Variants in CSGALNACT1 observed in about 807,000 individuals in gnomAD.
CSGALNACT1 encodes chondroitin sulfate N-acetylgalactosaminyltransferase 1.
In CSGALNACT1, 52 loss-of-function variants were observed where a neutral mutation model predicts 51.0. The ratio of observed to expected loss-of-function variants is 1.02; its 90% confidence interval spans 0.82 to 1.29. The LOEUF (loss-of-function observed/expected upper bound fraction) is 1.29. Ranked by LOEUF, CSGALNACT1 falls within the 50% of genes most tolerant of loss-of-function variation. The probability of loss-of-function intolerance (pLI) is 0.00; values close to 1 mark genes in which losing one functional copy is unlikely to be tolerated. For synonymous variants in CSGALNACT1, 341 were observed against 254.4 expected (o/e 1.34, Z -3.24); for missense variants, 935 against 679.2 (o/e 1.38, Z -4.19).
At chr8:19,550,571 G>A (rs2087753950) in intron 3 of CSGALNACT1, among the ~76,000 whole-genome samples, 1 of 151,880 alleles carries the variant, frequency 6.6e-6, no homozygotes, top group African/African-American at 2.4e-5. Context: ...CGTCTTTCCT[G>A]CTTATTTATT....
chr8:19,735,835 C>T (rs543011241), intron 1 of CSGALNACT1, among the ~76,000 whole-genome samples: 2 of 152,180 alleles, frequency 1.3e-5, no homozygotes, highest in East Asian at 3.9e-4. Flanking sequence ...GTCAATTGAA[C>T]ATTAAAAACA....
intron 1 of CSGALNACT1, among the ~76,000 whole-genome samples, chr8:19,709,052 T>C (rs889393239): frequency 1.3e-5 from 2 of 152,216 alleles, no homozygotes; most frequent in African/African-American, 4.8e-5. Context: ...TATTTATGTC[T>C]GTATTTTTAT....
chr8:19,541,952 A>G (rs953527967), intron 3 of CSGALNACT1, among the ~76,000 whole-genome samples: 62 of 152,234 alleles, frequency 4.1e-4, no homozygotes, highest in Non-Finnish European at 2.1e-4. Flanking sequence ...TTCACAGAAA[A>G]GGTCTTCAGT....
chr8:19,672,704 A>C (rs920682187), intron 1 of CSGALNACT1, among the ~76,000 whole-genome samples: 7 of 84,226 alleles, frequency 8.3e-5, no homozygotes, highest in Admixed American at 8.0e-4. Flanking sequence ...CAACATTCCG[A>C]ATTCCAACCA....
At chr8:19,544,494 T>G (rs2086019875) in intron 3 of CSGALNACT1, among the ~76,000 whole-genome samples, 1 of 152,190 alleles carries the variant, frequency 6.6e-6, no homozygotes, top group Admixed American at 6.5e-5. Context: ...TTCGTGTGTT[T>G]TCTTTAACTA....
At chr8:19,670,558 A>G (rs904477042) in intron 1 of CSGALNACT1, among the ~76,000 whole-genome samples, 4 of 144,060 alleles carry the variant, frequency 2.8e-5, no homozygotes, top group African/African-American at 5.1e-5. Context: ...CAGAAATGAC[A>G]TTTATTTTAT....
intron 1 of CSGALNACT1, among the ~76,000 whole-genome samples, chr8:19,630,945 C>G (rs180901565): frequency 5.3e-5 from 8 of 152,162 alleles, no homozygotes; most frequent in African/African-American, 1.9e-4. Flanking sequence ...TTTGTTACAA[C>G]TGACGAGCCA....
At chr8:19,429,415 G>A (rs1490103192) in intron 6 of CSGALNACT1, among the ~76,000 whole-genome samples, 1 of 152,176 alleles carries the variant, frequency 6.6e-6, no homozygotes, top group Non-Finnish European at 1.5e-5. Flanking sequence ...GACCTCAGGT[G>A]ATCTGCCTGC....
chr8:19,677,190 C>T (rs1252968057), intron 1 of CSGALNACT1, among the ~76,000 whole-genome samples: 1 of 152,134 alleles, frequency 6.6e-6, no homozygotes, highest in Non-Finnish European at 1.5e-5. Context: ...CTCACTGCAG[C>T]CTTGAGTTTT....
At chr8:19,681,102 C>A (rs574640025) in intron 1 of CSGALNACT1, among the ~76,000 whole-genome samples, 61 of 152,176 alleles carry the variant, frequency 4.0e-4, no homozygotes, top group African/African-American at 1.3e-3. Context: ...AACCAATCCC[C>A]TGAAGATATG....
chr8:19,548,922 G>A (rs150812344), intron 3 of CSGALNACT1, among the ~76,000 whole-genome samples: 1 of 152,038 alleles, frequency 6.6e-6, no homozygotes, highest in East Asian at 1.9e-4. Context: ...AGGCTCAAAC[G>A]ATCCTCCTGC....
At chr8:19,666,984 A>T (rs1285046610) in intron 1 of CSGALNACT1, among the ~76,000 whole-genome samples, 749 of 16,840 alleles carry the variant, frequency 0.044, 52 homozygotes, top group African/African-American at 0.21. Context: ...AGAAAGAAAG[A>T]AAGAAAGAAA....
intron 1 of CSGALNACT1, among the ~76,000 whole-genome samples, chr8:19,737,991 T>C (rs977896535): frequency 2.0e-4 from 31 of 152,344 alleles, no homozygotes; most frequent in Middle Eastern, 3.4e-3. Flanking sequence ...ATAACATGAA[T>C]GTATTTATTA....
intron 1 of CSGALNACT1, among the ~76,000 whole-genome samples, chr8:19,639,943 A>C (rs1318405412): frequency 1.3e-5 from 2 of 151,830 alleles, no homozygotes; most frequent in Non-Finnish European, 2.9e-5. Context: ...ATGCAGTGGT[A>C]CAATCACTGT....
intron 1 of CSGALNACT1, among the ~76,000 whole-genome samples, chr8:19,649,830 A>AAAAAAACAAC (rs1353529133): frequency 2.0e-5 from 3 of 146,492 alleles, no homozygotes; most frequent in Admixed American, 1.4e-4. Context: ...AAAAAAAAAA[A>AAAAAAACAAC]AAAAAAAAAA....
intron 4 of CSGALNACT1, among the ~76,000 whole-genome samples, chr8:19,503,586 T>C (rs2076785931): frequency 6.6e-6 from 1 of 152,082 alleles, no homozygotes; most frequent in Non-Finnish European, 1.5e-5. Context: ...TTTTTAATGA[T>C]GTTTAATGAT....
intron 6 of CSGALNACT1, among the ~76,000 whole-genome samples, chr8:19,425,871 C>T (rs1477037021): frequency 1.3e-5 from 2 of 152,142 alleles, no homozygotes; most frequent in African/African-American, 4.8e-5. Flanking sequence ...GAACATCACT[C>T]GGTCTTTAAG....
At chr8:19,624,359 A>G (rs75529688) in intron 1 of CSGALNACT1, among the ~76,000 whole-genome samples, 5,081 of 152,068 alleles carry the variant, frequency 0.033, 303 homozygotes, top group African/African-American at 0.12. Flanking sequence ...TCATGCTTTT[A>G]TCTCCTACTG....
At chr8:19,451,444 G>C (rs887564949) in intron 5 of CSGALNACT1, among the ~76,000 whole-genome samples, 2 of 152,168 alleles carry the variant, frequency 1.3e-5, no homozygotes, top group African/African-American at 4.8e-5. Context: ...GAGTAGGTGA[G>C]ATGACTATAA....
Sources: allele counts gnomAD v4.1 joint callset (sites outside exome capture counted in the v4.1 genomes callset), GRCh38; gene constraint gnomAD v4.1.1; transcripts MANE v1.5; gene names NCBI Gene and HGNC (gene_info 2026-07-23, HGNC 2026-07-21).